The following CDH8 variants were observed in gnomAD, a reference collection of about 807,000 sequenced individuals.
CDH8 encodes the protein cadherin-8.
A neutral mutation model predicts 68.1 loss-of-function variants in CDH8; 17 were observed. The observed-to-expected ratio is 0.25, with a 90% CI of 0.17 to 0.37. CDH8 has a LOEUF of 0.37. Ranked by LOEUF, CDH8 falls within the 10% of genes least tolerant of loss-of-function variation. CDH8 has a pLI of 1.00. For missense variants in CDH8, 763 were observed against 999.3 expected, an observed-to-expected ratio of 0.76 and a Z score of 3.19; for synonymous variants, 372 against 365.1, an observed-to-expected ratio of 1.02 and a Z score of -0.21.
intron 5 of CDH8, among the ~76,000 whole-genome samples, chr16:61,822,688 C>T (rs185221048): frequency 1.3e-5 from 2 of 151,866 alleles, no homozygotes; most frequent in African/African-American, 2.4e-5. Context: ...TCACTGCAAG[C>T]GAAGTCTCCC....
intron 2 of CDH8, among the ~76,000 whole-genome samples, chr16:61,954,246 C>G (rs2143602184): frequency 6.6e-6 from 1 of 152,076 alleles, no homozygotes; most frequent in South Asian, 2.1e-4. Context: ...GAGGAAAAAC[C>G]CATTATATAT....
chr16:61,808,044 T>C (rs1329873648), intron 7 of CDH8, among the ~76,000 whole-genome samples: 1 of 152,224 alleles, frequency 6.6e-6, no homozygotes, highest in Non-Finnish European at 1.5e-5. Flanking sequence ...AAAAGCACTG[T>C]ACTAAAATGC....
At chr16:61,674,353 C>T (rs1963855512) in intron 10 of CDH8, among the ~76,000 whole-genome samples, 1 of 151,382 alleles carries the variant, frequency 6.6e-6, no homozygotes, top group East Asian at 2.0e-4. Context: ...ACTCAGGAGG[C>T]TGAGGCAGGA....
At chr16:61,840,995 T>A (rs927704243) in intron 4 of CDH8, among the ~76,000 whole-genome samples, 2 of 152,082 alleles carry the variant, frequency 1.3e-5, no homozygotes, top group Non-Finnish European at 2.9e-5. Flanking sequence ...GACATAAATT[T>A]AAGTTAAATA....
chr16:61,869,434 T>A (rs1214833580), intron 3 of CDH8, among the ~76,000 whole-genome samples: 1 of 152,132 alleles, frequency 6.6e-6, no homozygotes, highest in Non-Finnish European at 1.5e-5. Context: ...CCTGATAAAG[T>A]GACATGATGA....
intron 2 of CDH8, among the ~76,000 whole-genome samples, chr16:61,977,624 T>C (rs1424671970): frequency 3.3e-5 from 5 of 152,078 alleles, no homozygotes; most frequent in African/African-American, 7.2e-5. Context: ...TCTTCTAGAA[T>C]CCCCATGAGA....
rs774580036 is a variant in CDH8, at chr16:61,817,840, T to G, written c.1024-108A>C. The G allele has an allele frequency of 1.9e-4, 198 of 1,034,562 alleles. 1 individual carries two copies. Among genetic ancestry groups the G allele is most frequent in the Non-Finnish European group, 2.7e-4 (195 of 721,996 alleles). 64.1% of individuals were successfully genotyped at this position (1,034,562 alleles called of 1,614,324 possible). A position where few individuals can be genotyped will look rare whatever the true frequency, so the allele number is the denominator to read the frequency against. On this transcript the variant is annotated intron_variant, in intron 6 of 11. Coordinates refer to ENST00000577390, the MANE Select transcript of CDH8 (RefSeq NM_001796.5). ...AGTTATGTGCATTTAAACCCATTTGTGAGCCTTAATGGGATCACTCTCCAG... is the reference window on the plus strand; with the variant it reads ...AGTTATGTGCATTTAAACCCATTTGGGAGCCTTAATGGGATCACTCTCCAG...
rs969060022 is a variant in CDH8, at chr16:61,668,568, AGC to A, written c.1655-12849_1655-12848del. Among the ~76,000 whole-genome samples, 15 of 152,142 alleles carry A rather than the reference AGC, an allele frequency of 9.9e-5. No homozygotes were observed. The East Asian group carries it at 2.5e-3, about 25-fold the overall frequency. On this transcript the variant is annotated intron_variant, in intron 10 of 11. Transcript: ENST00000577390. ...TATTGTGTTTGAATGAAAATTTTAAAGCTTTTATAAATATCAACAGATCTAGA... is the reference window on the plus strand; with the variant it reads ...TATTGTGTTTGAATGAAAATTTTAAATTTTATAAATATCAACAGATCTAGA...
At chr16:61,801,892 G>A (rs1383270028) in intron 7 of CDH8, among the ~76,000 whole-genome samples, 1 of 150,964 alleles carries the variant, frequency 6.6e-6, no homozygotes, top group African/African-American at 2.4e-5. Context: ...CTGGGGGAGG[G>A]GCGCCCGCCA....
chr16:61,895,427 C>T (rs373077594), intron 3 of CDH8, among the ~76,000 whole-genome samples: 2 of 152,144 alleles, frequency 1.3e-5, no homozygotes, highest in East Asian at 1.9e-4. Flanking sequence ...AAACTAATAT[C>T]GGTACTAACA....
intron 4 of CDH8, among the ~76,000 whole-genome samples, chr16:61,828,371 C>T (rs1318263988): frequency 6.6e-6 from 1 of 151,858 alleles, no homozygotes; most frequent in African/African-American, 2.4e-5. Context: ...TCTTTTATTC[C>T]TTTACTTTCT....
At chr16:61,887,588 T>C (rs1363713094) in intron 3 of CDH8, among the ~76,000 whole-genome samples, 1 of 152,102 alleles carries the variant, frequency 6.6e-6, no homozygotes, top group African/African-American at 2.4e-5. Flanking sequence ...TTCCTCTTCA[T>C]GTAAGGACAC....
At chr16:61,827,189 A>G (rs1962357185) in intron 4 of CDH8, among the ~76,000 whole-genome samples, 1 of 151,862 alleles carries the variant, frequency 6.6e-6, no homozygotes, top group African/African-American at 2.4e-5. Context: ...TGTTTTCATT[A>G]TGGCTCAAAT....
intron 2 of CDH8, among the ~76,000 whole-genome samples, chr16:61,996,483 A>G (rs1022725437): frequency 1.4e-4 from 21 of 152,200 alleles, no homozygotes; most frequent in African/African-American, 5.1e-4. Context: ...CTCATCAACA[A>G]TAGGTTTTAT....
Position 61,825,059 on chromosome 16 carries a change from G to GT in CDH8, c.787dup (p.Thr263AsnfsTer6). On this transcript the variant is annotated frameshift_variant, in exon 5 of 12. Transcript: ENST00000577390. LOFTEE classifies it high-confidence loss of function. ...GTCATTAACATCAGTAAGAGTCACTGTAAGTGTCGTGGTCCCAGACAGGCC... is the reference window on the plus strand; with the variant it reads ...GTCATTAACATCAGTAAGAGTCACTGTTAAGTGTCGTGGTCCCAGACAGGCC... 1.9e-6 allele frequency: 3 copies of GT among 1,611,982 alleles called. No individual in the cohort carries two copies. Among genetic ancestry groups the GT allele is most frequent in the Non-Finnish European group, 2.5e-6 (3 of 1,178,710 alleles).
chr16:61,672,328 C>A (rs1427905211), intron 10 of CDH8, among the ~76,000 whole-genome samples: 1 of 152,062 alleles, frequency 6.6e-6, no homozygotes, highest in Non-Finnish European at 1.5e-5. Flanking sequence ...ATGCATATTT[C>A]AGAATATTTT....
intron 10 of CDH8, chr16:61,667,783 TGAG>T (rs1567411817): frequency 6.6e-6 from 1 of 152,074 alleles, no homozygotes; most frequent in East Asian, 1.9e-4. Flanking sequence ...TATGATTTAC[TGAG>T]TCACAGCAAG....
chr16:61,688,151 C>T (rs183234146), intron 10 of CDH8, among the ~76,000 whole-genome samples: 3 of 152,082 alleles, frequency 2.0e-5, no homozygotes, highest in Admixed American at 2.0e-4. Flanking sequence ...AGGGGAAACC[C>T]ACACGTTTGT....
intron 7 of CDH8, among the ~76,000 whole-genome samples, chr16:61,813,626 C>T (rs898346744): frequency 1.3e-5 from 2 of 152,058 alleles, no homozygotes; most frequent in Non-Finnish European, 2.9e-5. Context: ...CGGGAGGATT[C>T]AATCTGTGAG....
Sources: gnomAD v4.1 joint callset for allele counts (sites outside exome capture counted in the v4.1 genomes callset) on GRCh38, gnomAD v4.1.1 for gene constraint, MANE v1.5 for transcripts, NCBI Gene and HGNC (gene_info 2026-07-23, HGNC 2026-07-21) for gene names.